Variants in PLXDC2 observed in about 807,000 individuals in gnomAD.
The protein encoded by PLXDC2 is plexin domain containing 2, also known as plexin domain-containing protein 2.
Under a neutral mutation model 68.9 loss-of-function variants are expected in PLXDC2, and 40 were observed. The ratio of observed to expected loss-of-function variants is 0.58; its 90% CI spans 0.45 to 0.76. The LOEUF is 0.76. Ranked by LOEUF, PLXDC2 falls within the 30% of genes least tolerant of loss-of-function variation. The pLI is 0.00. For synonymous variants in PLXDC2, 243 were observed against 234.2 expected, an observed-to-expected ratio of 1.04 and a Z score of -0.34; for missense variants, 644 against 661.9, an observed-to-expected ratio of 0.97 and a Z score of 0.30.
Position 20,279,848 on chromosome 10 carries a change from T to C in PLXDC2, c.*29T>C. ...TTCTAGGACAGAACAACACCAGTACTGGTTTACAGGTGTTAAGACTAAAAT... is the reference window on the plus strand; with the variant it reads ...TTCTAGGACAGAACAACACCAGTACCGGTTTACAGGTGTTAAGACTAAAAT... On this transcript the variant is annotated 3_prime_UTR_variant, in exon 14 of 14. Coordinates refer to ENST00000377252, the MANE Select transcript of PLXDC2 (RefSeq NM_032812.9). The C allele has an allele frequency of 6.3e-7, 1 of 1,587,376 alleles. No individual in the cohort carries two copies. The highest frequency in any genetic ancestry group is 8.6e-7 in the Non-Finnish European group (1 of 1,156,380).
At chr10:20,179,240 C>T (rs1403747273) in intron 9 of PLXDC2, among the ~76,000 whole-genome samples, 1 of 152,112 alleles carries the variant, frequency 6.6e-6, no homozygotes, top group Non-Finnish European at 1.5e-5. Flanking sequence ...CTGGGCAAGC[C>T]GCCATCATTA....
chr10:20,245,243 G>T, intron 12 of PLXDC2, 102 bp from the exon 13 acceptor site: 3 of 1,284,102 alleles, frequency 2.3e-6, no homozygotes, highest in Non-Finnish European at 2.1e-6. Context: ...AGGAAGTAAA[G>T]ATCCAGTCGT....
chr10:19,977,988 A>G (rs72789641), intron 1 of PLXDC2, among the ~76,000 whole-genome samples: 7,969 of 152,260 alleles, frequency 0.052, 268 homozygotes, highest in Middle Eastern at 0.092. Context: ...TTTCTGCTAA[A>G]TTGAGCAGAT....
At chr10:20,020,182 T>C (rs939412234) in intron 2 of PLXDC2, among the ~76,000 whole-genome samples, 1 of 87,608 alleles carries the variant, frequency 1.1e-5, no homozygotes, top group East Asian at 2.4e-4. Context: ...CAGCAAATTT[T>C]TTTTTTTTTT....
chr10:20,277,638 G>A (rs1437667766), intron 13 of PLXDC2, among the ~76,000 whole-genome samples: 1 of 152,174 alleles, frequency 6.6e-6, no homozygotes, highest in African/African-American at 2.4e-5. Flanking sequence ...GAATTTTGGT[G>A]AAGTTGTTAC....
intron 3 of PLXDC2, among the ~76,000 whole-genome samples, chr10:20,064,813 T>A (rs1225802935): frequency 5.3e-5 from 8 of 152,124 alleles, no homozygotes; most frequent in Admixed American, 5.2e-4. Flanking sequence ...TCCTGTAGGA[T>A]TGGAAAGATG....
intron 9 of PLXDC2, among the ~76,000 whole-genome samples, chr10:20,208,884 G>A (rs958949064): frequency 5.3e-5 from 8 of 152,006 alleles, no homozygotes; most frequent in East Asian, 3.9e-4. Flanking sequence ...GGCAGGTTGC[G>A]TGATGCTCCC....
At chr10:20,184,586 A>C (rs1189598037) in intron 9 of PLXDC2, among the ~76,000 whole-genome samples, 1 of 151,898 alleles carries the variant, frequency 6.6e-6, no homozygotes, top group African/African-American at 2.4e-5. Flanking sequence ...AATTTTTGCA[A>C]ATAAACTGCA....
intron 1 of PLXDC2, among the ~76,000 whole-genome samples, chr10:19,895,416 TA>T (rs1223609045): frequency 3.9e-5 from 6 of 152,244 alleles, no homozygotes; most frequent in African/African-American, 1.4e-4. Context: ...AGTAGCCGTA[TA>T]TTTTTTTAAA....
At chr10:20,278,620 A>ATTT (rs11379252) in intron 13 of PLXDC2, among the ~76,000 whole-genome samples, 14 of 151,188 alleles carry the variant, frequency 9.3e-5, no homozygotes, top group East Asian at 1.9e-4. Context: ...AATTACCTTC[A>ATTT]TTTTTTTTTA....
chr10:20,225,499 A>G (rs1339429194), intron 12 of PLXDC2, among the ~76,000 whole-genome samples: 1 of 152,088 alleles, frequency 6.6e-6, no homozygotes, highest in Non-Finnish European at 1.5e-5. Context: ...ACATCTTGAC[A>G]TTTAGTTTTA....
At chr10:20,047,276 T>C (rs112111747) in intron 3 of PLXDC2, among the ~76,000 whole-genome samples, 2,706 of 152,268 alleles carry the variant, frequency 0.018, 78 homozygotes, top group African/African-American at 0.061. Context: ...ATCTGATGAA[T>C]GTATATTGGA....
At chr10:20,055,401 GA>G (rs1381321162) in intron 3 of PLXDC2, among the ~76,000 whole-genome samples, 1 of 151,968 alleles carries the variant, frequency 6.6e-6, no homozygotes, top group Non-Finnish European at 1.5e-5. Flanking sequence ...TTTCATATTG[GA>G]TATATTTATT....
chr10:19,939,420 G>T (rs1485123736), intron 1 of PLXDC2, among the ~76,000 whole-genome samples: 1 of 152,046 alleles, frequency 6.6e-6, no homozygotes, highest in Non-Finnish European at 1.5e-5. Flanking sequence ...GCCAATAAGG[G>T]ACAACCCTGG....
chr10:19,863,168 G>A (rs912993702), intron 1 of PLXDC2, among the ~76,000 whole-genome samples: 1 of 152,286 alleles, frequency 6.6e-6, no homozygotes, highest in African/African-American at 2.4e-5. Flanking sequence ...GAGAAACTAA[G>A]GATGTGAATA....
chr10:20,165,600 C>G (rs1834364526), intron 7 of PLXDC2, among the ~76,000 whole-genome samples: 1 of 152,208 alleles, frequency 6.6e-6, no homozygotes, highest in East Asian at 1.9e-4. Context: ...CCTGTGCTAT[C>G]TTATATTTAA....
intron 1 of PLXDC2, among the ~76,000 whole-genome samples, chr10:19,936,811 A>G (rs1326918833): frequency 2.0e-5 from 3 of 152,190 alleles, no homozygotes; most frequent in African/African-American, 7.2e-5. Context: ...TTAACTTGAT[A>G]TCTCCAAGCC....
In PLXDC2 at chr10:20,079,156, CAAG is replaced by C. The variant is rs1199830780; in HGVS notation, c.541+10920_541+10922del. ...ATTACAAGGAACTTAAACAAATTTACAAGAATAAATCAAACAACTCCATCAAAA... is the reference window on the plus strand; with the variant it reads ...ATTACAAGGAACTTAAACAAATTTACAATAAATCAAACAACTCCATCAAAA... On this transcript the variant is annotated intron_variant, in intron 4 of 13. Coordinates refer to ENST00000377252, the MANE Select transcript of PLXDC2 (RefSeq NM_032812.9). Among the ~76,000 whole-genome samples the C allele has an allele frequency of 5.9e-5, 9 of 152,052 alleles. No individual in the cohort carries two copies. The East Asian group carries it at 1.4e-3, about 23-fold the overall frequency.
In PLXDC2 at chr10:20,001,758, C is replaced by A. The variant is rs767827359; in HGVS notation, c.113-17C>A. 2.5e-6 allele frequency: 4 copies of A among 1,611,506 alleles called. No individual in the cohort carries two copies. The highest frequency in any genetic ancestry group is 3.3e-5 in the Admixed American group (2 of 59,958). On this transcript the variant is annotated splice_polypyrimidine_tract_variant and intron_variant, in intron 1 of 13. Transcript: ENST00000377252. ...CACATAATGAGTGGTAACCCATTTT[C>A]TTTCTTTTTCAAACAGATTGGCAGT...
Sources: allele counts gnomAD v4.1 joint callset (sites outside exome capture counted in the v4.1 genomes callset), GRCh38; gene constraint gnomAD v4.1.1; transcripts MANE v1.5; gene names NCBI Gene and HGNC (gene_info 2026-07-23, HGNC 2026-07-21).